HERC6: variants seen among roughly 807,000 people sequenced by gnomAD.
The protein encoded by HERC6 is HECT and RLD domain containing E3 ubiquitin protein ligase family member 6.
In HERC6, 101 loss-of-function variants were observed where a neutral mutation model predicts 114.5. That is an observed-to-expected ratio of 0.88 (90% CI 0.75 to 1.04). The LOEUF (loss-of-function observed/expected upper bound fraction) is 1.04. HERC6 is among the 50% of genes least tolerant of loss of function. The probability of loss-of-function intolerance (pLI) is 0.00; values close to 1 mark genes in which losing one functional copy is unlikely to be tolerated. For synonymous variants in HERC6, 408 were observed against 436.2 expected, an observed-to-expected ratio of 0.94 and a Z score of 0.81; for missense variants, 1,133 against 1,230.9, an observed-to-expected ratio of 0.92 and a Z score of 1.19.
At chr4:88,406,923 A>T (rs1248983219) in intron 10 of HERC6, among the ~76,000 whole-genome samples, 2 of 151,822 alleles carry the variant, frequency 1.3e-5, no homozygotes, top group Non-Finnish European at 2.9e-5. Context: ...CACCCAGCTA[A>T]TTTTTTATGT....
At position 88,401,585 on chromosome 4, in the gene HERC6, G is replaced by T. The variant is rs140367882; in HGVS notation, c.1093-3291G>T. On this transcript the variant is annotated intron_variant, in intron 8 of 22. Transcript: ENST00000264346. Reference sequence around the variant, plus strand: ...GGAGAGAGGAAGCAGAATCTAACGCGTGATTGAGGGGTTTGAACAGATGTG... The same window carrying T: ...GGAGAGAGGAAGCAGAATCTAACGCTTGATTGAGGGGTTTGAACAGATGTG... Among the ~76,000 whole-genome samples, 545 of 152,216 alleles carry T rather than the reference G, an allele frequency of 3.6e-3. 6 individuals carry two copies. Among genetic ancestry groups the T allele is most frequent in the African/African-American group, 0.012 (514 of 41,550 alleles).
At chr4:88,431,062 C>T in intron 16 of HERC6, 100 bp from the exon 17 acceptor site, 11 of 1,040,912 alleles carry the variant, frequency 1.1e-5, no homozygotes, top group Non-Finnish European at 1.6e-5. Flanking sequence ...TCTAATAATT[C>T]TAGAGACTGC....
intron 8 of HERC6, among the ~76,000 whole-genome samples, chr4:88,401,385 C>T (rs906302569): frequency 6.7e-6 from 1 of 150,072 alleles, no homozygotes; most frequent in African/African-American, 2.5e-5. Flanking sequence ...CCCAGCTACT[C>T]GGGAGGCTGA....
At chr4:88,380,257 TA>T (rs1734189058) in intron 1 of HERC6, among the ~76,000 whole-genome samples, 1 of 77,970 alleles carries the variant, frequency 1.3e-5, no homozygotes, top group Non-Finnish European at 2.2e-5. Context: ...TATAAATATA[TA>T]ATATATAAAT....
chr4:88,435,541 A>G (rs982668771), intron 17 of HERC6, among the ~76,000 whole-genome samples, 184 bp from the exon 18 acceptor site: 9 of 152,244 alleles, frequency 5.9e-5, no homozygotes, highest in Non-Finnish European at 1.3e-4. Context: ...ATTCAAAATT[A>G]TGGAAGAAAT....
At chr4:88,411,183 T>C (rs772939061) in intron 11 of HERC6, among the ~76,000 whole-genome samples, 8 of 152,212 alleles carry the variant, frequency 5.3e-5, no homozygotes, top group Non-Finnish European at 8.8e-5. Flanking sequence ...GTATATTTCT[T>C]AAATGAATTT....
intron 8 of HERC6, chr4:88,399,497 A>C (rs1454607334): frequency 2.0e-5 from 3 of 152,408 alleles, no homozygotes; most frequent in South Asian, 2.1e-4. Context: ...GAGGCCCGGC[A>C]TGGTGGCTCA....
chr4:88,384,379 C>G (rs1485365282), intron 2 of HERC6, among the ~76,000 whole-genome samples: 3 of 152,172 alleles, frequency 2.0e-5, no homozygotes, highest in Non-Finnish European at 4.4e-5. Context: ...TTTCTCAACA[C>G]AACCTTTTGG....
At chr4:88,417,637 T>A (rs1736617804) in intron 13 of HERC6, 58 bp downstream of exon 13, 1 of 1,436,710 alleles carries the variant, frequency 7.0e-7, no homozygotes, top group Non-Finnish European at 9.4e-7. Flanking sequence ...ATCCCTTAAG[T>A]CTCAACCAGT....
In HERC6 at chr4:88,380,369, AT is replaced by A. The variant is rs869121590; in HGVS notation, c.199+1250del. On this transcript the variant is annotated intron_variant, in intron 1 of 22. Coordinates refer to ENST00000264346, the MANE Select transcript of HERC6 (RefSeq NM_017912.4). ...TATAATATAAATATATATATAATAT[AT>A]AAATATATATATATAATATATAAAT... is the stretch of plus-strand genomic sequence containing the variant. Among the ~76,000 whole-genome samples the A allele has an allele frequency of 9.8e-4, 16 of 16,344 alleles. 1 individual carries two copies. The highest frequency in any genetic ancestry group is 7.0e-3 in the African/African-American group (14 of 2,000). The allele number at this position is 16,344 out of a possible 152,430, so 10.7% of individuals were successfully genotyped here.
At chr4:88,441,931 C>T (rs1486811162) in intron 22 of HERC6, among the ~76,000 whole-genome samples, 2 of 152,158 alleles carry the variant, frequency 1.3e-5, no homozygotes, top group South Asian at 2.1e-4. Flanking sequence ...ACCACTCAGC[C>T]TGGTGTTTCT....
Position 88,379,222 on chromosome 4 carries a change from G to T in HERC6, c.199+102G>T. 4 of 970,708 alleles carry T rather than the reference G, an allele frequency of 4.1e-6. No individual in the cohort carries two copies. The Admixed American group carries it at 1.2e-4, about 30-fold the overall frequency. The allele number at this position is 970,708 out of a possible 1,614,324, so 60.1% of individuals were successfully genotyped here. A position where few individuals can be genotyped will look rare whatever the true frequency, so the allele number is the denominator to read the frequency against. On this transcript the variant is annotated intron_variant, in intron 1 of 22. Coordinates refer to ENST00000264346, the MANE Select transcript of HERC6 (RefSeq NM_017912.4). ...AACCGGGTGCGGAGCGCTGGGACCC[G>T]GGTGAGGGGCGCGGGGGCCCAGGTG...
rs1295331004 is a variant in HERC6, at chr4:88,378,871, T to C, written c.-51T>C. 6.7e-7 allele frequency: 1 copy of C among 1,491,084 alleles called. No individual in the cohort carries two copies. Among genetic ancestry groups the C allele is most frequent in the Non-Finnish European group, 9.0e-7 (1 of 1,112,668 alleles). The allele number at this position is 1,491,084 out of a possible 1,614,324, so 92.4% of individuals were successfully genotyped here. Reference sequence around the variant, plus strand: ...CCAGTCACCAGCGTTCGGGAGCCTGTCGCAGCGGGACCGACGGAATCCGGA... The same window carrying C: ...CCAGTCACCAGCGTTCGGGAGCCTGCCGCAGCGGGACCGACGGAATCCGGA... On this transcript the variant is annotated 5_prime_UTR_variant, in exon 1 of 23. Coordinates refer to ENST00000264346, the MANE Select transcript of HERC6 (RefSeq NM_017912.4).
At position 88,436,973 on chromosome 4, in the gene HERC6, T is replaced by C. The variant is rs992011310; in HGVS notation, c.2484+2T>C. On this transcript the variant is annotated splice_donor_variant, in intron 19 of 22. Coordinates refer to ENST00000264346, the MANE Select transcript of HERC6 (RefSeq NM_017912.4). LOFTEE classifies it high-confidence loss of function. ...GATGCGCTCTGCATACGCTTTTCTGTGAGTACTAATGAAAGCCAAATTATA... is the reference window on the plus strand; with the variant it reads ...GATGCGCTCTGCATACGCTTTTCTGCGAGTACTAATGAAAGCCAAATTATA... 2 of 1,585,732 alleles carry C rather than the reference T, an allele frequency of 1.3e-6. No homozygotes were observed. The highest frequency in any genetic ancestry group is 1.3e-5 in the African/African-American group (1 of 74,104).
At chr4:88,427,501 G>A (rs1053242651) in intron 15 of HERC6, among the ~76,000 whole-genome samples, 13 of 151,962 alleles carry the variant, frequency 8.6e-5, no homozygotes, top group Non-Finnish European at 7.4e-5. Context: ...AAGGAACAGA[G>A]ATGGAACTTG....
At chr4:88,400,257 C>A (rs923078204) in intron 8 of HERC6, among the ~76,000 whole-genome samples, 5 of 152,164 alleles carry the variant, frequency 3.3e-5, no homozygotes, top group African/African-American at 1.2e-4. Context: ...CTCTGTTACC[C>A]AGGCTGGAGT....
At chr4:88,407,703 C>T (rs930994734) in intron 10 of HERC6, among the ~76,000 whole-genome samples, 5 of 152,048 alleles carry the variant, frequency 3.3e-5, no homozygotes, top group East Asian at 1.9e-4. Flanking sequence ...GACCCACTGC[C>T]GCTGGCATAC....
At chr4:88,420,773 T>C (rs968955725) in intron 13 of HERC6, among the ~76,000 whole-genome samples, 3 of 152,088 alleles carry the variant, frequency 2.0e-5, no homozygotes, top group Admixed American at 2.0e-4. Context: ...CTCTATTTTT[T>C]TAAAAATAAA....
At chr4:88,407,139 G>A (rs762121313) in intron 10 of HERC6, among the ~76,000 whole-genome samples, 18 of 152,072 alleles carry the variant, frequency 1.2e-4, no homozygotes, top group African/African-American at 3.4e-4. Flanking sequence ...GCGCTGTGGC[G>A]TGATCTCTGC....
Sources: gnomAD v4.1 joint callset for allele counts (sites outside exome capture counted in the v4.1 genomes callset) on GRCh38, gnomAD v4.1.1 for gene constraint, MANE v1.5 for transcripts, NCBI Gene and HGNC (gene_info 2026-07-23, HGNC 2026-07-21) for gene names.